TENM2: variants seen among roughly 807,000 people sequenced by gnomAD.
The protein encoded by TENM2 is teneurin transmembrane protein 2.
In TENM2, 52 loss-of-function variants were observed where a neutral mutation model predicts 245.2. That is an observed-to-expected ratio of 0.21 (90% CI 0.17 to 0.27). The LOEUF (loss-of-function observed/expected upper bound fraction) is 0.27. Ranked by LOEUF, TENM2 falls within the 10% of genes least tolerant of loss-of-function variation. The pLI is 1.00. For missense variants in TENM2, 3,046 were observed against 3,666.8 expected (o/e 0.83, Z 4.37); for synonymous variants, 1,363 against 1,438.9 (o/e 0.95, Z 1.19).
rs113452085 is a variant in TENM2, at chr5:167,769,675, A to AT, written c.503-106303dup. Among the ~76,000 whole-genome samples, 59 of 151,934 alleles carry AT rather than the reference A, an allele frequency of 3.9e-4. 1 individual carries two copies. The South Asian group carries it at 0.011, about 29-fold the overall frequency. On this transcript the variant is annotated intron_variant, in intron 2 of 28. Transcript: ENST00000518659. ...CCTTCAACTTCCCATTTTTCCTGTGATTTTTTTTCTATACTATGTCTGCAA... is the reference window on the plus strand; with the variant it reads ...CCTTCAACTTCCCATTTTTCCTGTGATTTTTTTTTCTATACTATGTCTGCAA...
chr5:168,096,804 A>G (rs1793407687), intron 8 of TENM2, among the ~76,000 whole-genome samples: 2 of 152,208 alleles, frequency 1.3e-5, no homozygotes, highest in Admixed American at 1.3e-4. Flanking sequence ...TTTCCTTTTC[A>G]TCTTAGTAAT....
intron 12 of TENM2, among the ~76,000 whole-genome samples, chr5:168,145,661 G>A (rs965475167): frequency 3.9e-5 from 6 of 152,276 alleles, no homozygotes; most frequent in South Asian, 2.1e-4. Flanking sequence ...TTGGTGATGC[G>A]AGCTCTTTTT....
At chr5:167,249,061 T>C in the TENM2 span, among the ~76,000 whole-genome samples, 1 of 152,166 alleles carries the variant, frequency 6.6e-6, no homozygotes, top group Non-Finnish European at 1.5e-5. Context: ...ACCCACCTTG[T>C]TAATTCTTGG....
intron 5 of TENM2, among the ~76,000 whole-genome samples, chr5:168,037,374 A>G (rs953991976): frequency 6.6e-6 from 1 of 152,192 alleles, no homozygotes; most frequent in South Asian, 2.1e-4. Context: ...CCAAGTTTGC[A>G]TGCAGGAGGG....
the TENM2 span, among the ~76,000 whole-genome samples, chr5:166,985,923 G>A: frequency 6.6e-6 from 1 of 152,200 alleles, no homozygotes; most frequent in Non-Finnish European, 1.5e-5. Context: ...TTAACCACCT[G>A]ATGTAATGTT....
chr5:166,983,771 T>G, the TENM2 span, among the ~76,000 whole-genome samples: 1 of 152,126 alleles, frequency 6.6e-6, no homozygotes, highest in South Asian at 2.1e-4. Context: ...TCTTTGAAAG[T>G]TGAGACTTCT....
At chr5:167,780,865 C>A (rs1439613735) in intron 2 of TENM2, among the ~76,000 whole-genome samples, 1 of 152,144 alleles carries the variant, frequency 6.6e-6, no homozygotes, top group East Asian at 1.9e-4. Flanking sequence ...AATACTGAGA[C>A]CCAACTACAC....
At chr5:167,822,565 C>T (rs1767620442) in intron 2 of TENM2, among the ~76,000 whole-genome samples, 1 of 152,192 alleles carries the variant, frequency 6.6e-6, no homozygotes, top group Admixed American at 6.5e-5. Flanking sequence ...GGATTTGTCA[C>T]CTTCATGACA....
intron 2 of TENM2, among the ~76,000 whole-genome samples, chr5:167,747,950 G>T (rs898711343): frequency 1.3e-5 from 2 of 151,844 alleles, no homozygotes; most frequent in Non-Finnish European, 2.9e-5. Context: ...GTTAATTTCT[G>T]TTACTTTCCA....
the TENM2 span, among the ~76,000 whole-genome samples, chr5:167,022,997 T>A: frequency 3.9e-5 from 6 of 152,238 alleles, no homozygotes; most frequent in African/African-American, 1.4e-4. Context: ...TGCCAAGGCA[T>A]CATCCAGCTA....
In TENM2 at chr5:167,981,672, C is replaced by T. The variant is rs564385559; in HGVS notation, c.948-11272C>T. Among the ~76,000 whole-genome samples the T allele has an allele frequency of 2.6e-5, 4 of 152,284 alleles. No homozygotes were observed. In the South Asian group the frequency reaches 6.2e-4, roughly 24 times the overall value. Reference sequence around the variant, plus strand: ...AAGAGATGGCATAGTTAGAACCCTTCGTACTTGGTCTAAAATCCAGATCCC... The same window carrying T: ...AAGAGATGGCATAGTTAGAACCCTTTGTACTTGGTCTAAAATCCAGATCCC... On this transcript the variant is annotated intron_variant, in intron 4 of 28. Coordinates refer to ENST00000518659, the Ensembl canonical transcript of TENM2.
intron 2 of TENM2, among the ~76,000 whole-genome samples, chr5:167,681,072 C>T (rs531343840): frequency 5.3e-5 from 8 of 152,118 alleles, no homozygotes; most frequent in Non-Finnish European, 8.8e-5. Flanking sequence ...AAAACAATTA[C>T]GAAGTCAACC....
chr5:167,816,668 G>C (rs74572498), intron 2 of TENM2, among the ~76,000 whole-genome samples: 2,209 of 152,014 alleles, frequency 0.015, 29 homozygotes, highest in Middle Eastern at 0.027. Context: ...AATTGAGTGA[G>C]AACTTCCATA....
At chr5:167,379,409 C>T (rs1450356344) in intron 2 of TENM2, among the ~76,000 whole-genome samples, 2 of 152,056 alleles carry the variant, frequency 1.3e-5, no homozygotes, top group Non-Finnish European at 2.9e-5. Flanking sequence ...GGGACAATGT[C>T]CTTAGATTGT....
rs1186137581 is a variant in TENM2, at chr5:168,244,007, C to T, written c.5521-413C>T. 7.0e-6 allele frequency among the ~76,000 whole-genome samples: 1 copy of T among 142,472 alleles called. No homozygotes were observed. Among genetic ancestry groups the T allele is most frequent in the African/African-American group, 2.6e-5 (1 of 38,360 alleles). 93.5% of individuals were successfully genotyped at this position (142,472 alleles called of 152,430 possible). ...CAGGCTGGAGTGCATGGCACAATTT[C>T]AGCTCACTGCCATCTCCACCTCCCA... On this transcript the variant is annotated intron_variant, in intron 25 of 28. Transcript: ENST00000518659. This position sits in a 1 kb window ranked among gnomAD's most constrained non-coding sequence, Gnocchi z 4.9.
At chr5:167,664,345 G>C (rs976867464) in intron 2 of TENM2, among the ~76,000 whole-genome samples, 1 of 152,170 alleles carries the variant, frequency 6.6e-6, no homozygotes, top group African/African-American at 2.4e-5. Flanking sequence ...CCCTTGCCTA[G>C]GTCTTAGTTG....
chr5:168,195,255 T>G, exon 15 of TENM2: 1 of 1,604,784 alleles, frequency 6.2e-7, no homozygotes, highest in Non-Finnish European at 8.5e-7. Context: ...TTTTGTCAAG[T>G]ACCCAAAATA....
intron 2 of TENM2, among the ~76,000 whole-genome samples, chr5:167,865,411 G>T (rs1429675074): frequency 6.6e-6 from 1 of 151,934 alleles, no homozygotes; most frequent in African/African-American, 2.4e-5. Context: ...GTAATTGGGA[G>T]CACAGGCGCA....
upstream of TENM2, chr5:167,284,767 G>C: frequency 8.6e-7 from 1 of 1,164,796 alleles, no homozygotes; most frequent in Non-Finnish European, 1.2e-6. Context: ...TTTTCAGGTG[G>C]CAAAGTGACA....
Sources: gnomAD v4.1 joint callset for allele counts (sites outside exome capture counted in the v4.1 genomes callset) on GRCh38, gnomAD v4.1.1 for gene constraint, Gnocchi (gnomAD v3.1) non-coding constraint, MANE v1.5 for transcripts, NCBI Gene and HGNC (gene_info 2026-07-23, HGNC 2026-07-21) for gene names.